CD84: variants seen among roughly 807,000 people sequenced by gnomAD.
CD84 encodes CD84 molecule.
A neutral mutation model predicts 33.8 loss-of-function variants in CD84; 22 were observed. That is an observed-to-expected ratio of 0.65 (90% CI 0.46 to 0.93). CD84 has a LOEUF of 0.93. Among genes scored for constraint, CD84 ranks in the 40% least tolerant of loss-of-function variants. The probability of loss-of-function intolerance (pLI) is 0.00; values close to 1 mark genes in which losing one functional copy is unlikely to be tolerated. For missense variants in CD84, 400 were observed against 397.6 expected, an observed-to-expected ratio of 1.01 and a Z score of -0.05; for synonymous variants, 154 against 145.2, an observed-to-expected ratio of 1.06 and a Z score of -0.44.
Position 160,574,303 on chromosome 1 carries a change from C to T in CD84, c.46+5089G>A, listed in dbSNP as rs187899485. ...TTATTAACAAGAATCAGATGGCTAA[C>T]TGCAATTTCTTTCTATATTCTATAC... On this transcript the variant is annotated intron_variant, in intron 1 of 6. Coordinates refer to ENST00000368054, the MANE Select transcript of CD84 (RefSeq NM_003874.4). 2.3e-4 allele frequency among the ~76,000 whole-genome samples: 35 copies of T among 152,174 alleles called. No individual in the cohort carries two copies. The East Asian group carries it at 4.3e-3, about 18-fold the overall frequency.
chr1:160,568,048 C>T lies in CD84; in HGVS notation c.47-2303G>A, dbSNP rs564785140. ...GCCAGTCCTGGTCTCAGATCTCCCA[C>T]GTCTCAAGTCTTTTTTGAAGTCAGG... On this transcript the variant is annotated intron_variant, in intron 1 of 6. Coordinates refer to ENST00000368054, the MANE Select transcript of CD84 (RefSeq NM_003874.4). Among the ~76,000 whole-genome samples, 12 of 152,266 alleles carry T rather than the reference C, an allele frequency of 7.9e-5. No individual in the cohort carries two copies. The South Asian group carries it at 2.3e-3, about 29-fold the overall frequency.
chr1:160,567,941 C>T (rs1220618940), intron 1 of CD84, among the ~76,000 whole-genome samples: 5 of 152,120 alleles, frequency 3.3e-5, no homozygotes, highest in African/African-American at 7.2e-5. Flanking sequence ...CTTAAGGCTG[C>T]GTTGCCACCT....
intron 2 of CD84, among the ~76,000 whole-genome samples, chr1:160,560,847 T>G (rs61802608): frequency 0.23 from 35,000 of 151,970 alleles, 4,595 homozygotes; most frequent in Middle Eastern, 0.35. Context: ...CAAACAACCA[T>G]CAGAGAATAC....
At chr1:160,563,844 A>G (rs896004836) in intron 2 of CD84, among the ~76,000 whole-genome samples, 10 of 152,204 alleles carry the variant, frequency 6.6e-5, no homozygotes, top group Admixed American at 5.9e-4. Context: ...CTTACAGCAC[A>G]TCTCAATTTG....
chr1:160,576,341 AAGAAAC>A (rs1411689707), intron 1 of CD84, among the ~76,000 whole-genome samples: 2 of 152,198 alleles, frequency 1.3e-5, no homozygotes, highest in African/African-American at 4.8e-5. Flanking sequence ...TATTTGTTTA[AAGAAAC>A]TAATTCAAAT....
rs1416289862 is a variant in CD84 at position 160,554,074 on chromosome 1, G to A, written c.461C>T (p.Thr154Ile). Reference sequence around the variant, plus strand: ...CTTTTCTTCTTTCTCTACAGAGCATGTCAGTGTGACATTACAGGTGCTGTT... The same window carrying A: ...CTTTTCTTCTTTCTCTACAGAGCATATCAGTGTGACATTACAGGTGCTGTT... ...SVNSTCNVTL[T>I]CSVEKEEKNV... The change falls in exon 3 of 7, where the codon ACA (threonine) becomes ATA (isoleucine). Residue 154 changes from threonine (T) to isoleucine (I), a missense_variant. By Grantham distance (89) the Thr-to-Ile change is moderately conservative (BLOSUM62 -1). Transcript: ENST00000368054. 2 of 1,614,042 alleles carry A rather than the reference G, an allele frequency of 1.2e-6. No individual in the cohort carries two copies. Among genetic ancestry groups the A allele is most frequent in the African/African-American group, 2.7e-5 (2 of 74,908 alleles).
At chr1:160,551,222 C>T in intron 4 of CD84, 187 bp from the exon 5 acceptor site, 1 of 579,484 alleles carries the variant, frequency 1.7e-6, no homozygotes, top group Admixed American at 3.0e-5. Context: ...GCCTCACCCA[C>T]AGGTCAATGG....
At chr1:160,551,103 A>ATG in intron 4 of CD84, 68 bp from the exon 5 acceptor site, 1 of 1,137,792 alleles carries the variant, frequency 8.8e-7, no homozygotes. Context: ...ATCTATTCCA[A>ATG]TGTTCTCTTT....
At position 160,541,905 on chromosome 1, in the gene CD84, G is replaced by A. The variant is rs994167527; in HGVS notation, c.*6351C>T. ...TGATCTGAGGGAGTGAGCATGTAGAGGGAAGGTGTATTAGAGAATTAGGCC... is the reference window on the plus strand; with the variant it reads ...TGATCTGAGGGAGTGAGCATGTAGAAGGAAGGTGTATTAGAGAATTAGGCC... On this transcript the variant is annotated 3_prime_UTR_variant, in exon 7 of 7. Coordinates refer to ENST00000368054, the MANE Select transcript of CD84 (RefSeq NM_003874.4). 7 of 152,198 alleles carry A rather than the reference G, an allele frequency of 4.6e-5. No individual in the cohort carries two copies. Among genetic ancestry groups the A allele is most frequent in the Non-Finnish European group, 8.8e-5 (6 of 68,036 alleles). 9.4% of individuals were successfully genotyped at this position (152,198 alleles called of 1,614,324 possible). A position where few individuals can be genotyped will look rare whatever the true frequency, so the allele number is the denominator to read the frequency against.
chr1:160,567,812 C>T (rs919728260), intron 1 of CD84, among the ~76,000 whole-genome samples: 8 of 152,144 alleles, frequency 5.3e-5, no homozygotes, highest in South Asian at 4.1e-4. Flanking sequence ...TCTGGGCTGA[C>T]GGGTTCTAGG....
rs1655888427 is a variant in CD84 at position 160,547,345 on chromosome 1, T to C, written c.*911A>G. ...AGAAATATAAGCTGGTCAGTTCCTT[T>C]TGGAGAGTGGGAATACTGGGCATGG... On this transcript the variant is annotated 3_prime_UTR_variant, in exon 7 of 7. Transcript: ENST00000368054. 1 of 396,122 alleles carries C rather than the reference T, an allele frequency of 2.5e-6. No individual in the cohort carries two copies. The highest frequency in any genetic ancestry group is 2.1e-5 in the African/African-American group (1 of 48,558). 24.5% of individuals were successfully genotyped at this position (396,122 alleles called of 1,614,324 possible).
Position 160,542,165 on chromosome 1 carries a change from G to C in CD84, c.*6091C>G, listed in dbSNP as rs1246730911. On this transcript the variant is annotated 3_prime_UTR_variant, in exon 7 of 7. Transcript: ENST00000368054. ...TCTATTTACTAGGATGAGCTACTGTGATTCAGCCTTAAAGACTTCACCTTT... is the reference window on the plus strand; with the variant it reads ...TCTATTTACTAGGATGAGCTACTGTCATTCAGCCTTAAAGACTTCACCTTT... 6.6e-6 allele frequency: 1 copy of C among 152,210 alleles called. No individual in the cohort carries two copies. Among genetic ancestry groups the C allele is most frequent in the Non-Finnish European group, 1.5e-5 (1 of 68,034 alleles). 9.4% of individuals were successfully genotyped at this position (152,210 alleles called of 1,614,324 possible).
rs1655878070 is a variant in CD84, at chr1:160,547,116, G to A, written c.*1140C>T. 2.5e-6 allele frequency: 1 copy of A among 398,946 alleles called. No homozygotes were observed. Among genetic ancestry groups the A allele is most frequent in the Non-Finnish European group, 4.4e-6 (1 of 226,080 alleles). 24.7% of individuals were successfully genotyped at this position (398,946 alleles called of 1,614,324 possible). A position where few individuals can be genotyped will look rare whatever the true frequency, so the allele number is the denominator to read the frequency against. ...GGAGAGTTAATGCCTGTGTAAGCTG[G>A]CTGGTGATCTGTTTGTGGGGCATGC... is the stretch of plus-strand genomic sequence containing the variant. On this transcript the variant is annotated 3_prime_UTR_variant, in exon 7 of 7. Transcript: ENST00000368054.
intron 2 of CD84, among the ~76,000 whole-genome samples, chr1:160,560,449 A>C (rs370661620): frequency 2.6e-5 from 4 of 152,210 alleles, no homozygotes; most frequent in African/African-American, 9.6e-5. Flanking sequence ...AACTAATGAG[A>C]ACAAAGAGAC....
chr1:160,571,240 G>A (rs746283020), intron 1 of CD84: 3 of 152,102 alleles, frequency 2.0e-5, no homozygotes, highest in Admixed American at 6.6e-5. Flanking sequence ...CATTCAGGAA[G>A]AGTAAGCCTG....
At chr1:160,558,070 T>G (rs1011177942) in intron 2 of CD84, among the ~76,000 whole-genome samples, 10 of 151,630 alleles carry the variant, frequency 6.6e-5, no homozygotes, top group African/African-American at 2.4e-4. Context: ...CTTTGGAGAG[T>G]CCAGAGAGTC....
At chr1:160,554,554 A>T (rs1471274777) in intron 2 of CD84, among the ~76,000 whole-genome samples, 1 of 152,250 alleles carries the variant, frequency 6.6e-6, no homozygotes, top group African/African-American at 2.4e-5. Context: ...AGGAATGCAG[A>T]TGAAACTTAA....
chr1:160,579,178 C>A (rs1250258536), intron 1 of CD84, among the ~76,000 whole-genome samples: 2 of 152,124 alleles, frequency 1.3e-5, no homozygotes, highest in African/African-American at 4.8e-5. Flanking sequence ...AGAAATATAA[C>A]TCAGTAATAT....
intron 4 of CD84, chr1:160,552,698 A>C (rs1179311403): frequency 6.5e-7 from 1 of 1,544,366 alleles, no homozygotes; most frequent in Non-Finnish European, 8.8e-7. Flanking sequence ...TGTGGCTGAG[A>C]ACTTACAAGG....
Sources: allele counts gnomAD v4.1 joint callset (sites outside exome capture counted in the v4.1 genomes callset), GRCh38; gene constraint gnomAD v4.1.1; transcripts MANE v1.5; gene names NCBI Gene and HGNC (gene_info 2026-07-23, HGNC 2026-07-21).